MRTFB: variants seen among roughly 807,000 people sequenced by gnomAD.
MRTFB encodes myocardin-related transcription factor B.
Under a neutral mutation model 104.2 loss-of-function variants are expected in MRTFB, and 29 were observed. That is an observed-to-expected ratio of 0.28 (90% CI 0.21 to 0.38). The LOEUF (loss-of-function observed/expected upper bound fraction) is 0.38. Ranked by LOEUF, MRTFB falls within the 10% of genes least tolerant of loss-of-function variation. MRTFB has a pLI of 1.00. For synonymous variants in MRTFB, 535 were observed against 519.5 expected (o/e 1.03, Z -0.41); for missense variants, 1,270 against 1,341.6 (o/e 0.95, Z 0.83).
Position 14,247,332 on chromosome 16 carries a change from A to C in MRTFB, c.2072A>C (p.Gln691Pro). 6.2e-7 allele frequency: 1 copy of C among 1,614,238 alleles called. No individual in the cohort carries two copies. The highest frequency in any genetic ancestry group is 8.5e-7 in the Non-Finnish European group (1 of 1,180,046). ...KQEVPVGQAEQQSVVSQFYVS... is the reference protein window; with the variant it reads ...KQEVPVGQAEPQSVVSQFYVS... ...GAGGTCCCTGTGGGCCAGGCAGAGCAGCAGAGTGTCGTCTCGCAGTTTTAT... is the reference window on the plus strand; with the variant it reads ...GAGGTCCCTGTGGGCCAGGCAGAGCCGCAGAGTGTCGTCTCGCAGTTTTAT... The change falls in exon 12 of 17, where the codon CAG becomes CCG. Residue 691 changes from glutamine to proline, a missense_variant. Coordinates refer to ENST00000571589, the MANE Select transcript of MRTFB (RefSeq NM_001308142.2).
chr16:14,040,256 T>C, the MRTFB span, among the ~76,000 whole-genome samples: 1 of 152,230 alleles, frequency 6.6e-6, no homozygotes, highest in Non-Finnish European at 1.5e-5. Context: ...GCCATTTAGA[T>C]TATTTCCAAT....
chr16:14,191,563 C>G (rs1397310895), intron 3 of MRTFB, among the ~76,000 whole-genome samples: 1 of 152,154 alleles, frequency 6.6e-6, no homozygotes, highest in Non-Finnish European at 1.5e-5. Flanking sequence ...GTTGTCTGGC[C>G]TGTTTGTCCC....
chr16:14,257,996 A>C lies in MRTFB; in HGVS notation c.2704-105A>C, dbSNP rs986318778. 5 of 968,762 alleles carry C rather than the reference A, an allele frequency of 5.2e-6. No individual in the cohort carries two copies. The African/African-American group carries it at 6.5e-5, about 13-fold the overall frequency. The allele number at this position is 968,762 out of a possible 1,614,324, so 60.0% of individuals were successfully genotyped here. ...CCTCAGTGTTTTCAAAATTATCACG[A>C]TAGATTAGAACTAAATCATCTAGAA... is the stretch of plus-strand genomic sequence containing the variant. On this transcript the variant is annotated intron_variant, in intron 15 of 16. Coordinates refer to ENST00000571589, the MANE Select transcript of MRTFB (RefSeq NM_001308142.2).
intron 3 of MRTFB, among the ~76,000 whole-genome samples, chr16:14,209,817 C>T (rs1156401295): frequency 6.6e-6 from 1 of 152,104 alleles, no homozygotes; most frequent in East Asian, 1.9e-4. Context: ...TTCCTTAAAG[C>T]CACTTATAGT....
the MRTFB span, among the ~76,000 whole-genome samples, chr16:14,064,698 C>T: frequency 2.6e-5 from 4 of 152,170 alleles, no homozygotes; most frequent in South Asian, 2.1e-4. Flanking sequence ...TATCATGGCA[C>T]CATTTATTGA....
In MRTFB at chr16:14,245,665, C is replaced by G; in HGVS notation, c.1212+5C>G. 6.2e-7 allele frequency: 1 copy of G among 1,605,188 alleles called. No individual in the cohort carries two copies. The highest frequency in any genetic ancestry group is 8.5e-7 in the Non-Finnish European group (1 of 1,177,868). On this transcript the variant is annotated splice_donor_5th_base_variant and intron_variant, in intron 11 of 16. Coordinates refer to ENST00000571589, the MANE Select transcript of MRTFB (RefSeq NM_001308142.2). ...TCTAGCCTGGATGACTTAAAGGTGA[C>G]AATTGCAACTGGAGCTTATTCACCC...
At chr16:14,232,414 T>G (rs2042305504) in intron 8 of MRTFB, among the ~76,000 whole-genome samples, 1 of 152,212 alleles carries the variant, frequency 6.6e-6, no homozygotes, top group African/African-American at 2.4e-5. Context: ...GAGGCTTGGT[T>G]GGTCGGAGAT....
chr16:14,166,212 CTTTTCTT>C (rs1223655312), intron 3 of MRTFB, among the ~76,000 whole-genome samples: 4 of 97,534 alleles, frequency 4.1e-5, no homozygotes, highest in African/African-American at 2.0e-4. Context: ...TGTGGGTTTT[CTTTTCTT>C]TTTTTTTTTT....
chr16:14,106,132 G>C (rs531426905), intron 2 of MRTFB, among the ~76,000 whole-genome samples: 8 of 152,312 alleles, frequency 5.3e-5, no homozygotes, highest in African/African-American at 1.9e-4. Flanking sequence ...CCTGGGAATG[G>C]AGGTGAAAAG....
At chr16:14,051,398 C>T in the MRTFB span, among the ~76,000 whole-genome samples, 1 of 151,956 alleles carries the variant, frequency 6.6e-6, no homozygotes, top group East Asian at 1.9e-4. Context: ...CATACAAATA[C>T]ACACAGAGAG....
rs2043026030 is a variant in MRTFB at position 14,246,606 on chromosome 16, TGTC to T, written c.1347_1349del (p.Ser452del). The T allele has an allele frequency of 6.2e-7, 1 of 1,614,034 alleles. No homozygotes were observed. The highest frequency in any genetic ancestry group is 1.7e-5 in the Admixed American group (1 of 60,024). On this transcript the variant is annotated inframe_deletion, in exon 12 of 17. Transcript: ENST00000571589. Reference sequence around the variant, plus strand: ...CTTGCTGCTGGGGGCATCGTGGCAGTGTCATCATCAGCCATTGTCACCAGTAAC... The same window carrying T: ...CTTGCTGCTGGGGGCATCGTGGCAGTATCATCAGCCATTGTCACCAGTAAC...
chr16:14,246,514 A>G lies in MRTFB; in HGVS notation c.1254A>G (p.Pro418=), dbSNP rs1368699526. ...CAGAACTGAAGTTAAGGGGTCTGCC[A>G]GTGTCAGGCACCAAACCGGACCTCA... is the stretch of plus-strand genomic sequence containing the variant. The part of the protein sequence containing the change: ...LKTELKLRGL[P]VSGTKPDLIE... The change falls in exon 12 of 17, where the codon CCA becomes CCG. Residue 418 remains proline, a synonymous_variant. Coordinates refer to ENST00000571589, the MANE Select transcript of MRTFB (RefSeq NM_001308142.2). The G allele has an allele frequency of 6.2e-7, 1 of 1,614,212 alleles. No individual in the cohort carries two copies. The highest frequency in any genetic ancestry group is 2.2e-5 in the East Asian group (1 of 44,878).
chr16:14,129,460 T>C (rs771616891), intron 2 of MRTFB, among the ~76,000 whole-genome samples: 1 of 152,244 alleles, frequency 6.6e-6, no homozygotes, highest in African/African-American at 2.4e-5. Flanking sequence ...CACTAGTTGA[T>C]GAACATTTAA....
the MRTFB span, among the ~76,000 whole-genome samples, chr16:14,043,653 G>A: frequency 2.6e-5 from 4 of 152,310 alleles, no homozygotes; most frequent in East Asian, 7.7e-4. Context: ...GCGTCTCTGA[G>A]CCTCACCTTT....
intron 2 of MRTFB, among the ~76,000 whole-genome samples, chr16:14,101,462 T>C (rs1277196790): frequency 6.6e-6 from 1 of 152,226 alleles, no homozygotes; most frequent in Admixed American, 6.5e-5. Flanking sequence ...TTATTAGTTC[T>C]TAAAGTTTAT....
chr16:14,164,451 G>T (rs147515824), intron 3 of MRTFB, among the ~76,000 whole-genome samples: 1 of 151,934 alleles, frequency 6.6e-6, no homozygotes, highest in Non-Finnish European at 1.5e-5. Context: ...TGCCATGTGT[G>T]TGCGGGGGTG....
At chr16:14,009,411 G>T in the MRTFB span, 1 of 152,038 alleles carries the variant, frequency 6.6e-6, no homozygotes, top group African/African-American at 2.4e-5. Context: ...ATAGTTTTTG[G>T]TAGCTTCTTC....
chr16:14,174,770 C>T (rs1019723443), intron 3 of MRTFB, among the ~76,000 whole-genome samples: 9 of 152,088 alleles, frequency 5.9e-5, no homozygotes, highest in African/African-American at 1.9e-4. Flanking sequence ...GATCACCACC[C>T]GTTTGCCATC....
chr16:14,107,121 A>G (rs1290544191), intron 2 of MRTFB, among the ~76,000 whole-genome samples: 1 of 152,210 alleles, frequency 6.6e-6, no homozygotes, highest in African/African-American at 2.4e-5. Flanking sequence ...CAGTAATCTC[A>G]GCTACTCGTG....
Sources: gnomAD v4.1 joint callset for allele counts (sites outside exome capture counted in the v4.1 genomes callset) on GRCh38, gnomAD v4.1.1 for gene constraint, MANE v1.5 for transcripts, NCBI Gene and HGNC (gene_info 2026-07-23, HGNC 2026-07-21) for gene names.